Variants in FSIP2 observed in about 807,000 individuals in gnomAD.
FSIP2 encodes the protein fibrous sheath-interacting protein 2.
A neutral mutation model predicts 510.5 loss-of-function variants in FSIP2; 367 were observed. The observed-to-expected ratio is 0.72, with a 90% CI of 0.66 to 0.78. The LOEUF (loss-of-function observed/expected upper bound fraction) is 0.78, where lower values mean the gene tolerates loss of function less well. FSIP2 is among the 30% of genes least tolerant of loss of function. The pLI is 0.00. For synonymous variants in FSIP2, 2,601 were observed against 2,732.2 expected (o/e 0.95, Z 1.50); for missense variants, 7,594 against 7,901.7 (o/e 0.96, Z 1.48).
chr2:185,738,391 C>CT, upstream of FSIP2: 1 of 551,978 alleles, frequency 1.8e-6, no homozygotes, highest in Non-Finnish European at 3.2e-6. Flanking sequence ...CAATGAGCCC[C>CT]TTAGGAAGCC....
chr2:185,786,163 A>G, intron 14 of FSIP2, 89 bp from the exon 15 acceptor site: 1 of 844,274 alleles, frequency 1.2e-6, no homozygotes, highest in South Asian at 1.7e-5. Flanking sequence ...TAGATACAAC[A>G]AAATGATTTC....
chr2:185,739,906 CT>C (rs1469558525), intron 2 of FSIP2, among the ~76,000 whole-genome samples: 1 of 151,446 alleles, frequency 6.6e-6, no homozygotes, highest in East Asian at 1.9e-4. Flanking sequence ...GAGTTGAATT[CT>C]ATTTTACACA....
chr2:185,791,361 T>C lies in FSIP2; in HGVS notation c.4225T>C (p.Leu1409=). The part of the protein sequence containing the change: ...RQDKKSFHKY[L]ATPCTHHSVN... ...AGATAAAAAATCTTTTCACAAATAT[T>C]TGGCTACTCCTTGTACTCACCACAG... Residue 1409 remains leucine (L), a synonymous_variant, in exon 16 of 23, where the codon TTG becomes CTG. Coordinates refer to ENST00000424728, the MANE Select transcript of FSIP2 (RefSeq NM_173651.4). The C allele has an allele frequency of 6.5e-7, 1 of 1,534,124 alleles. No homozygotes were observed. The highest frequency in any genetic ancestry group is 8.7e-7 in the Non-Finnish European group (1 of 1,145,492).
chr2:185,758,768 A>C (rs771482245), intron 9 of FSIP2, among the ~76,000 whole-genome samples: 33 of 151,314 alleles, frequency 2.2e-4, no homozygotes, highest in Admixed American at 6.0e-4. Flanking sequence ...ATATAAAGTG[A>C]TCATCGATAG....
In FSIP2 at chr2:185,788,803, C is replaced by T. The variant is rs1464207263; in HGVS notation, c.1667C>T (p.Ser556Leu). The T allele has an allele frequency of 6.5e-7, 1 of 1,533,858 alleles. No individual in the cohort carries two copies. The highest frequency in any genetic ancestry group is 2.0e-5 in the Admixed American group (1 of 50,850). Residue 556 changes from serine (S) to leucine (L), a missense_variant, in exon 16 of 23, where the codon TCA (serine) becomes TTA (leucine). Coordinates refer to ENST00000424728, the MANE Select transcript of FSIP2 (RefSeq NM_173651.4). Reference protein sequence around the residue: ...SDDSILSSDSSSFCSTCSEDF... With the variant: ...SDDSILSSDSLSFCSTCSEDF... The stretch of plus-strand genomic sequence containing the variant: ...GACTCCATCCTCTCTTCAGATAGTT[C>T]AAGTTTCTGTAGCACGTGCAGTGAA...
intron 21 of FSIP2, among the ~76,000 whole-genome samples, chr2:185,830,386 G>C (rs959490721): frequency 2.6e-5 from 4 of 151,810 alleles, no homozygotes; most frequent in African/African-American, 9.7e-5. Context: ...AAGAACTCTT[G>C]TGTCTAACAA....
At chr2:185,750,180 C>T (rs1692114131) in intron 7 of FSIP2, among the ~76,000 whole-genome samples, 1 of 151,574 alleles carries the variant, frequency 6.6e-6, no homozygotes, top group Non-Finnish European at 1.5e-5. Context: ...TACCATAAAT[C>T]TCTATGTATT....
chr2:185,815,035 T>A (rs1693803414), intron 18 of FSIP2, among the ~76,000 whole-genome samples: 1 of 152,076 alleles, frequency 6.6e-6, no homozygotes, highest in African/African-American at 2.4e-5. Flanking sequence ...CAGAGTTGTA[T>A]CTGTGTTCTT....
chr2:185,824,169 T>G (rs1693973415), intron 19 of FSIP2, among the ~76,000 whole-genome samples: 1 of 151,866 alleles, frequency 6.6e-6, no homozygotes, highest in Admixed American at 6.6e-5. Flanking sequence ...TAGTGATGGT[T>G]GCACAACACT....
At position 185,756,242 on chromosome 2, in the gene FSIP2, C is replaced by A; in HGVS notation, c.1042C>A (p.Pro348Thr). 2.2e-6 allele frequency: 3 copies of A among 1,347,114 alleles called. No individual in the cohort carries two copies. Among genetic ancestry groups the A allele is most frequent in the Non-Finnish European group, 3.0e-6 (3 of 993,904 alleles). The allele number at this position is 1,347,114 out of a possible 1,614,324, so 83.4% of individuals were successfully genotyped here. Residue 348 changes from proline (P) to threonine (T), a missense_variant, in exon 9 of 23, where the codon CCT (proline) becomes ACT (threonine). Transcript: ENST00000424728. The stretch of plus-strand genomic sequence containing the variant: ...TTCTGAAGATATAATGTTAGTTTAT[C>A]CTGCTGGAGACCAGAATACATATAA... ...KTSEDIMLVY[P>T]AGDQNTYKET...
intron 13 of FSIP2, among the ~76,000 whole-genome samples, chr2:185,772,784 A>T (rs1474054340): frequency 1.3e-5 from 2 of 149,962 alleles, no homozygotes; most frequent in East Asian, 3.9e-4. Context: ...TGAGTTTAGA[A>T]TTTTTTTTAG....
In FSIP2 at chr2:185,797,279, G is replaced by T. The variant is rs1693312979; in HGVS notation, c.10143G>T (p.Leu3381Phe). Reference protein sequence around the residue: ...SGGQKDNEKSLLRMQDKKINY... With the variant: ...SGGQKDNEKSFLRMQDKKINY... ...GGCAAAAGGATAACGAAAAAAGTTT[G>T]CTTAGAATGCAGGATAAAAAAATCA... The change falls in exon 16 of 23, where the codon TTG becomes TTT. Residue 3381 changes from leucine to phenylalanine, a missense_variant. Transcript: ENST00000424728. 2.0e-6 allele frequency: 3 copies of T among 1,533,922 alleles called. No individual in the cohort carries two copies. The highest frequency in any genetic ancestry group is 2.4e-5 in the South Asian group (2 of 83,748).
chr2:185,805,003 TATC>T lies in FSIP2; in HGVS notation c.15703_15705del (p.His5235del), dbSNP rs776296303. 6.3e-7 allele frequency: 1 copy of T among 1,580,432 alleles called. No individual in the cohort carries two copies. The highest frequency in any genetic ancestry group is 8.6e-7 in the Non-Finnish European group (1 of 1,167,808). On this transcript the variant is annotated inframe_deletion, in exon 17 of 23. Coordinates refer to ENST00000424728, the MANE Select transcript of FSIP2 (RefSeq NM_173651.4). Reference sequence around the variant, plus strand: ...TGGTTTTATTATGAAAGAAATCATGTATCATCATTTACAGCCATTTTTACATGG... The same window carrying T: ...TGGTTTTATTATGAAAGAAATCATGTATCATTTACAGCCATTTTTACATGG...
intron 5 of FSIP2, 49 bp downstream of exon 5, chr2:185,745,617 T>C (rs11884004): frequency 6.9e-7 from 1 of 1,448,434 alleles, no homozygotes; most frequent in Non-Finnish European, 9.2e-7. Context: ...TGGACCCAAA[T>C]AAGCTGGAAA....
chr2:185,762,080 T>C, intron 11 of FSIP2, 63 bp downstream of exon 11: 1 of 777,906 alleles, frequency 1.3e-6, no homozygotes. Context: ...AGTTTTATTA[T>C]ATATTTTAAG....
Position 185,790,805 on chromosome 2 carries a change from G to A in FSIP2, c.3669G>A (p.Trp1223Ter). 6.5e-7 allele frequency: 1 copy of A among 1,532,800 alleles called. No homozygotes were observed. The highest frequency in any genetic ancestry group is 8.7e-7 in the Non-Finnish European group (1 of 1,144,906). The allele number at this position is 1,532,800 out of a possible 1,614,324, so 94.9% of individuals were successfully genotyped here. A position where few individuals can be genotyped will look rare whatever the true frequency, so the allele number is the denominator to read the frequency against. Residue 1223 changes from tryptophan to a stop codon, truncating the protein, a stop_gained, in exon 16 of 23, where the codon TGG (tryptophan) becomes TGA (stop). Transcript: ENST00000424728. LOFTEE classifies it high-confidence loss of function. ...EAPNKYPLKT[W>*]FDSEKKMKYL... The stretch of plus-strand genomic sequence containing the variant: ...CAAATAAATACCCATTAAAAACATG[G>A]TTTGACAGTGAAAAGAAAATGAAAT...
In FSIP2 at chr2:185,793,436, T is replaced by C; in HGVS notation, c.6300T>C (p.Asp2100=). 1 of 1,534,268 alleles carries C rather than the reference T, an allele frequency of 6.5e-7. No individual in the cohort carries two copies. The highest frequency in any genetic ancestry group is 8.7e-7 in the Non-Finnish European group (1 of 1,145,596). The part of the protein sequence containing the change: ...IQDTIEGILC[D]IYEKTLFQNN... ...ATACCATTGAAGGTATCCTATGTGA[T>C]ATTTATGAAAAAACCCTGTTTCAGA... The change falls in exon 16 of 23, where the codon GAT becomes GAC. Residue 2100 remains aspartate (D), a synonymous_variant. Transcript: ENST00000424728.
In FSIP2 at chr2:185,791,576, T is replaced by G; in HGVS notation, c.4440T>G (p.Ile1480Met). 1.3e-6 allele frequency: 2 copies of G among 1,534,230 alleles called. No homozygotes were observed. Among genetic ancestry groups the G allele is most frequent in the Non-Finnish European group, 1.7e-6 (2 of 1,145,558 alleles). The change falls in exon 16 of 23, where the codon ATT (isoleucine) becomes ATG (methionine). Residue 1480 changes from isoleucine to methionine, a missense_variant. Ile to Met is a conservative substitution (Grantham distance 10). Coordinates refer to ENST00000424728, the MANE Select transcript of FSIP2 (RefSeq NM_173651.4). ...QKMAAALQSNIQLISKAILDY... is the reference protein window; with the variant it reads ...QKMAAALQSNMQLISKAILDY... ...TGGCTGCTGCATTGCAGTCTAATATTCAGTTAATTTCTAAAGCAATTTTGG... is the reference window on the plus strand; with the variant it reads ...TGGCTGCTGCATTGCAGTCTAATATGCAGTTAATTTCTAAAGCAATTTTGG...
In FSIP2 at chr2:185,796,605, C is replaced by T. The variant is rs1485284274; in HGVS notation, c.9469C>T (p.Gln3157Ter). The T allele has an allele frequency of 1.3e-6, 2 of 1,535,034 alleles. No homozygotes were observed. The highest frequency in any genetic ancestry group is 2.4e-5 in the South Asian group (2 of 84,024). ...AGCTGAAAATGCCTACACTGTTAATCAGGTTGAATTAGCAACTAATATGAA... is the reference window on the plus strand; with the variant it reads ...AGCTGAAAATGCCTACACTGTTAATTAGGTTGAATTAGCAACTAATATGAA... Reference protein sequence around the residue: ...QGAENAYTVNQVELATNMKMF... With the variant: ...QGAENAYTVN The change falls in exon 16 of 23, where the codon CAG becomes TAG. Residue 3157 changes from glutamine to a stop codon, truncating the protein, a stop_gained. Coordinates refer to ENST00000424728, the MANE Select transcript of FSIP2 (RefSeq NM_173651.4). LOFTEE classifies it high-confidence loss of function.
Sources: allele counts gnomAD v4.1 joint callset (sites outside exome capture counted in the v4.1 genomes callset), GRCh38; gene constraint gnomAD v4.1.1; transcripts MANE v1.5; gene names NCBI Gene and HGNC (gene_info 2026-07-23, HGNC 2026-07-21).